The following ARHGAP19 variants were observed in gnomAD, a reference collection of about 807,000 sequenced individuals.
The protein encoded by ARHGAP19 is rho GTPase-activating protein 19.
Under a neutral mutation model 60.9 loss-of-function variants are expected in ARHGAP19, and 48 were observed. The observed-to-expected ratio is 0.79, with a 90% CI of 0.62 to 1.00. ARHGAP19 has a LOEUF of 1.00. Among genes scored for constraint, ARHGAP19 ranks in the 50% least tolerant of loss-of-function variants. The probability of loss-of-function intolerance (pLI) is 0.00; values close to 1 mark genes in which losing one functional copy is unlikely to be tolerated. For missense variants in ARHGAP19, 562 were observed against 597.2 expected (o/e 0.94, Z 0.61); for synonymous variants, 209 against 215.5 (o/e 0.97, Z 0.27).
At position 97,223,239 on chromosome 10, in the gene ARHGAP19, T is replaced by G. The variant is rs185868942; in HGVS notation, c.*2883A>C. ...TTCCTTTGCGGAGGATCAACTGTAG[T>G]TTTGGTTACGATTCATTACCTGCTC... On this transcript the variant is annotated 3_prime_UTR_variant, in exon 12 of 12. Transcript: ENST00000358531. The G allele has an allele frequency of 2.1e-4, 32 of 152,260 alleles. No homozygotes were observed. The highest frequency in any genetic ancestry group is 6.5e-4 in the African/African-American group (27 of 41,546). 9.4% of individuals were successfully genotyped at this position (152,260 alleles called of 1,614,324 possible).
chr10:97,246,125 T>C (rs1290226050), intron 7 of ARHGAP19, 147 bp downstream of exon 7: 2 of 658,634 alleles, frequency 3.0e-6, no homozygotes, highest in Non-Finnish European at 5.2e-6. Flanking sequence ...GTCTTCTTCA[T>C]TATGGCAAAA....
Position 97,281,099 on chromosome 10 carries a change from C to T in ARHGAP19, c.56+11473G>A, listed in dbSNP as rs1489383356. 2.0e-5 allele frequency among the ~76,000 whole-genome samples: 3 copies of T among 151,952 alleles called. No individual in the cohort carries two copies. The East Asian group carries it at 5.8e-4, about 29-fold the overall frequency. The stretch of plus-strand genomic sequence containing the variant: ...ACAAATTGAAAATTCTTAAGAGTTT[C>T]TGGCCAGGCACAGCGGCTCATGTCT... On this transcript the variant is annotated intron_variant, in intron 1 of 11. Coordinates refer to ENST00000358531, the MANE Select transcript of ARHGAP19 (RefSeq NM_032900.6).
rs577856117 is a variant in ARHGAP19, at chr10:97,260,831, T to C, written c.614-1203A>G. Among the ~76,000 whole-genome samples, 14 of 151,058 alleles carry C rather than the reference T, an allele frequency of 9.3e-5. 1 individual carries two copies. Among genetic ancestry groups the C allele is most frequent in the African/African-American group, 3.4e-4 (14 of 41,106 alleles). On this transcript the variant is annotated intron_variant, in intron 4 of 11. Coordinates refer to ENST00000358531, the MANE Select transcript of ARHGAP19 (RefSeq NM_032900.6). ...TATCCAAGTCAGGCACAGTGGCACA[T>C]GCCTGTAACCCCAGCACTTTGGGAG... is the stretch of plus-strand genomic sequence containing the variant.
In ARHGAP19 at chr10:97,222,992, G is replaced by A. The variant is rs3814164; in HGVS notation, c.*3130C>T. The A allele has an allele frequency of 0.52, 78,691 of 151,992 alleles. 21,785 individuals are homozygous for A. The highest frequency in any genetic ancestry group is 0.71 in the East Asian group (3,688 of 5,166). The allele number at this position is 151,992 out of a possible 1,614,324, so 9.4% of individuals were successfully genotyped here. Reference sequence around the variant, plus strand: ...TATTTTCAACTGCATGCTAACACAGGCTGCTGTGAGGGAAACTGAACAGAA... The same window carrying A: ...TATTTTCAACTGCATGCTAACACAGACTGCTGTGAGGGAAACTGAACAGAA... On this transcript the variant is annotated 3_prime_UTR_variant, in exon 12 of 12. Transcript: ENST00000358531.
intron 6 of ARHGAP19, among the ~76,000 whole-genome samples, chr10:97,246,993 C>T (rs925434210): frequency 2.0e-5 from 3 of 152,128 alleles, no homozygotes; most frequent in Admixed American, 1.3e-4. Flanking sequence ...CAAAATTAGC[C>T]GGGTGTGGTG....
chr10:97,289,153 C>A (rs960482162), intron 1 of ARHGAP19, among the ~76,000 whole-genome samples: 6 of 136,082 alleles, frequency 4.4e-5, no homozygotes, highest in Admixed American at 3.7e-4. Flanking sequence ...CTCGCTCTGT[C>A]GCCCAGGCTG....
In ARHGAP19 at chr10:97,225,989, C is replaced by T. The variant is rs1490890528; in HGVS notation, c.*133G>A. On this transcript the variant is annotated 3_prime_UTR_variant, in exon 12 of 12. Coordinates refer to ENST00000358531, the MANE Select transcript of ARHGAP19 (RefSeq NM_032900.6). Reference sequence around the variant, plus strand: ...GGGGTTAGAGGTATCAGTCGGGTCACGGTATTAGTTGGCTTTGACAATTCA... The same window carrying T: ...GGGGTTAGAGGTATCAGTCGGGTCATGGTATTAGTTGGCTTTGACAATTCA... 1.2e-5 allele frequency: 11 copies of T among 900,218 alleles called. No homozygotes were observed. The highest frequency in any genetic ancestry group is 3.3e-5 in the African/African-American group (2 of 59,706). 55.8% of individuals were successfully genotyped at this position (900,218 alleles called of 1,614,324 possible). A position where few individuals can be genotyped will look rare whatever the true frequency, so the allele number is the denominator to read the frequency against.
chr10:97,229,147 C>CT lies in ARHGAP19; in HGVS notation c.1473dup (p.Gly492ArgfsTer20). ...AACAGAGAGTAAGTACAATTAGTAC[C>CT]TTTTTTCCCCTCTTTCTTCCCTTCA... is the stretch of plus-strand genomic sequence containing the variant. On this transcript the variant is annotated frameshift_variant and splice_region_variant, in exon 11 of 12. Transcript: ENST00000358531. LOFTEE classifies it high-confidence loss of function. 6.2e-7 allele frequency: 1 copy of CT among 1,612,742 alleles called. No individual in the cohort carries two copies. Among genetic ancestry groups the CT allele is most frequent in the Non-Finnish European group, 8.5e-7 (1 of 1,178,764 alleles).
intron 1 of ARHGAP19, among the ~76,000 whole-genome samples, chr10:97,285,179 T>C (rs1843137601): frequency 6.6e-6 from 1 of 152,084 alleles, no homozygotes; most frequent in African/African-American, 2.4e-5. Flanking sequence ...GTATATACTC[T>C]TAAAGCTTCA....
chr10:97,243,280 G>T (rs909731083), intron 8 of ARHGAP19, among the ~76,000 whole-genome samples: 1 of 152,190 alleles, frequency 6.6e-6, no homozygotes, highest in Non-Finnish European at 1.5e-5. Context: ...TTGAATAAAA[G>T]TCAAGAGGCT....
At chr10:97,246,379 A>T in intron 6 of ARHGAP19, 42 bp from the exon 7 acceptor site, 1 of 1,471,024 alleles carries the variant, frequency 6.8e-7, no homozygotes, top group Non-Finnish European at 9.5e-7. Flanking sequence ...AGTGATTAGT[A>T]GAATATAACA....
intron 1 of ARHGAP19, chr10:97,274,912 G>C (rs547932021): frequency 2.6e-5 from 4 of 152,210 alleles, no homozygotes; most frequent in Non-Finnish European, 5.9e-5. Flanking sequence ...GCAGGAGACA[G>C]AGGGATTGAC....
At chr10:97,236,715 G>A (rs1348671867) in intron 8 of ARHGAP19, among the ~76,000 whole-genome samples, 2 of 151,050 alleles carry the variant, frequency 1.3e-5, no homozygotes, top group South Asian at 4.2e-4. Flanking sequence ...GCTGTGGTGG[G>A]AGGATCATGA....
chr10:97,252,718 G>A (rs1212304425), intron 6 of ARHGAP19, among the ~76,000 whole-genome samples: 2 of 152,166 alleles, frequency 1.3e-5, no homozygotes. Context: ...ATGCAAATTA[G>A]TATAGCCATT....
chr10:97,247,095 C>G (rs765127016), intron 6 of ARHGAP19, among the ~76,000 whole-genome samples: 1 of 151,610 alleles, frequency 6.6e-6, no homozygotes, highest in Admixed American at 6.6e-5. Context: ...CAAGATCACA[C>G]CATTGCACTC....
intron 4 of ARHGAP19, among the ~76,000 whole-genome samples, chr10:97,261,787 C>T (rs1842832154): frequency 6.6e-6 from 1 of 152,128 alleles, no homozygotes; most frequent in Non-Finnish European, 1.5e-5. Context: ...AACTAAGCAA[C>T]TGCAGTAATG....
intron 8 of ARHGAP19, among the ~76,000 whole-genome samples, chr10:97,238,643 T>C (rs1161060454): frequency 6.6e-6 from 1 of 152,226 alleles, no homozygotes; most frequent in Non-Finnish European, 1.5e-5. Context: ...AGTGTTTTTG[T>C]GTTTTAAGCT....
At chr10:97,282,733 G>T (rs1256919675) in intron 1 of ARHGAP19, among the ~76,000 whole-genome samples, 1 of 151,844 alleles carries the variant, frequency 6.6e-6, no homozygotes, top group Non-Finnish European at 1.5e-5. Flanking sequence ...ATTTCTTAGA[G>T]ATCTCTTTAC....
intron 1 of ARHGAP19, among the ~76,000 whole-genome samples, chr10:97,273,592 G>A (rs1288250462): frequency 4.8e-5 from 7 of 146,898 alleles, no homozygotes; most frequent in South Asian, 4.3e-4. Context: ...TGGTTCAAGC[G>A]ATTCTCATGC....
Sources: allele counts gnomAD v4.1 joint callset (sites outside exome capture counted in the v4.1 genomes callset), GRCh38; gene constraint gnomAD v4.1.1; transcripts MANE v1.5; gene names NCBI Gene and HGNC (gene_info 2026-07-23, HGNC 2026-07-21).